ATXN8OS: variants seen among roughly 807,000 people sequenced by gnomAD.
ATXN8OS encodes ATXN8 opposite strand lncRNA.
chr13:70,166,940 G>T (rs1427730132), intron 4 of ATXN8OS, among the ~76,000 whole-genome samples: 2 of 151,556 alleles, frequency 1.3e-5, no homozygotes, highest in Admixed American at 6.6e-5. Flanking sequence ...GGCCATCAGA[G>T]AAATGCAAAT....
Position 70,160,793 on chromosome 13 carries a change from T to TAAATATATTTATTATAAATATATATAA in ATXN8OS, n.574-8958_574-8932dup, listed in dbSNP as rs1888998609. ...ATGTAAATATATAAATATTTATTTATAAATATATTTATTATAAATATATAT... is the reference window on the plus strand; with the variant it reads ...ATGTAAATATATAAATATTTATTTATAAATATATTTATTATAAATATATATAAAAATATATTTATTATAAATATATAT... On this transcript the variant is annotated intron_variant and non_coding_transcript_variant, in intron 4 of 4. Coordinates refer to ENST00000678624, the Ensembl canonical transcript of ATXN8OS. Among the ~76,000 whole-genome samples, 2 of 15,558 alleles carry TAAATATATTTATTATAAATATATATAA rather than the reference T, an allele frequency of 1.3e-4. 1 individual carries two copies. Among genetic ancestry groups the TAAATATATTTATTATAAATATATATAA allele is most frequent in the Non-Finnish European group, 5.9e-4 (2 of 3,418 alleles). 10.2% of individuals were successfully genotyped at this position (15,558 alleles called of 152,430 possible). A position where few individuals can be genotyped will look rare whatever the true frequency, so the allele number is the denominator to read the frequency against.
intron 4 of ATXN8OS, among the ~76,000 whole-genome samples, chr13:70,156,605 C>T (rs1888939490): frequency 6.6e-6 from 1 of 151,976 alleles, no homozygotes. Flanking sequence ...CAACACGTTA[C>T]TCTTTTTTTT....
At chr13:70,129,905 T>G (rs961609661) in intron 3 of ATXN8OS, 1 of 398,444 alleles carries the variant, frequency 2.5e-6, no homozygotes, top group Non-Finnish European at 4.4e-6. Context: ...CAAAAGGTTG[T>G]ACTGGTGATA....
chr13:70,147,064 T>C (rs1375673697), intron 3 of ATXN8OS, among the ~76,000 whole-genome samples: 1 of 152,202 alleles, frequency 6.6e-6, no homozygotes, highest in Non-Finnish European at 1.5e-5. Flanking sequence ...GTGTGCCTTC[T>C]TTTGGATATG....
At chr13:70,146,035 G>C (rs1888781288) in intron 3 of ATXN8OS, among the ~76,000 whole-genome samples, 1 of 112,764 alleles carries the variant, frequency 8.9e-6, no homozygotes, top group Non-Finnish European at 1.8e-5. Flanking sequence ...CTAATATCCA[G>C]AATCTACAAT....
intron 4 of ATXN8OS, among the ~76,000 whole-genome samples, chr13:70,168,994 G>A (rs887685592): frequency 6.6e-6 from 1 of 152,064 alleles, no homozygotes; most frequent in Non-Finnish European, 1.5e-5. Flanking sequence ...AACCAGTAAT[G>A]TCACTGATGC....
At chr13:70,139,374 A>ACTGCTGCTGCTG (rs1436504114) in intron 3 of ATXN8OS, 168 of 648,876 alleles carry the variant, frequency 2.6e-4, no homozygotes, top group East Asian at 1.8e-3. Context: ...TACTACTACT[A>ACTGCTGCTGCTG]CTACTACTAC....
chr13:70,171,640 TTG>T (rs1566624561), exon 5 of ATXN8OS, among the ~76,000 whole-genome samples: 1 of 152,124 alleles, frequency 6.6e-6, no homozygotes, highest in Non-Finnish European at 1.5e-5. Context: ...GACTGAAACA[TTG>T]TGATGTGAAC....
chr13:70,160,172 G>T (rs681937), intron 4 of ATXN8OS, among the ~76,000 whole-genome samples: 127,861 of 151,990 alleles, frequency 0.84, 54,172 homozygotes, highest in South Asian at 0.92. Context: ...TTGACTTTTT[G>T]TGAGCACTCA....
intron 4 of ATXN8OS, among the ~76,000 whole-genome samples, chr13:70,154,803 T>A (rs564325874): frequency 6.6e-6 from 1 of 152,290 alleles, no homozygotes; most frequent in East Asian, 1.9e-4. Context: ...ATCTAAGAAG[T>A]ACAACAAAGG....
chr13:70,118,831 T>C (rs1253929233), intron 2 of ATXN8OS, among the ~76,000 whole-genome samples: 3 of 67,794 alleles, frequency 4.4e-5, no homozygotes, highest in Non-Finnish European at 8.2e-5. Context: ...CTTACAGATA[T>C]ATACTTTTTT....
chr13:70,131,264 A>T (rs1442157973), intron 3 of ATXN8OS: 1 of 398,366 alleles, frequency 2.5e-6, no homozygotes, highest in Non-Finnish European at 4.4e-6. Context: ...TTCATTTCCA[A>T]CACTCCTAGT....
At chr13:70,119,430 C>T (rs558359632) in intron 2 of ATXN8OS, among the ~76,000 whole-genome samples, 1 of 152,194 alleles carries the variant, frequency 6.6e-6, no homozygotes, top group Admixed American at 6.5e-5. Flanking sequence ...TTCTCTGACC[C>T]AGTTCTGAGC....
chr13:70,160,464 T>C lies in ATXN8OS; in HGVS notation n.574-9289T>C, dbSNP rs1888994045. ...CAGCACTTTTCCTGGCTGAAGTTAGTTCGGCATGAAGTTAGCATATTTCTT... is the reference window on the plus strand; with the variant it reads ...CAGCACTTTTCCTGGCTGAAGTTAGCTCGGCATGAAGTTAGCATATTTCTT... On this transcript the variant is annotated intron_variant and non_coding_transcript_variant, in intron 4 of 4. Coordinates refer to ENST00000678624, the Ensembl canonical transcript of ATXN8OS. Among the ~76,000 whole-genome samples the C allele has an allele frequency of 2.6e-5, 4 of 151,876 alleles. No individual in the cohort carries two copies. In the South Asian group the frequency reaches 8.3e-4, roughly 31 times the overall value.
At chr13:70,135,481 C>T (rs1447142562) in intron 3 of ATXN8OS, among the ~76,000 whole-genome samples, 1 of 151,560 alleles carries the variant, frequency 6.6e-6, no homozygotes, top group Non-Finnish European at 1.5e-5. Context: ...ACTGTCTATT[C>T]CTATGGTATA....
intron 4 of ATXN8OS, among the ~76,000 whole-genome samples, chr13:70,154,196 T>G (rs1022864827): frequency 6.6e-6 from 1 of 152,182 alleles, no homozygotes; most frequent in Non-Finnish European, 1.5e-5. Flanking sequence ...GAGAGGCATG[T>G]GGGGTTGGGG....
intron 1 of ATXN8OS, chr13:70,108,289 CG>C (rs1888128485): frequency 2.8e-6 from 1 of 360,952 alleles, no homozygotes; most frequent in Non-Finnish European, 4.9e-6. Flanking sequence ...GAGGATGCCC[CG>C]ATAGCCTGCC....
intron 2 of ATXN8OS, among the ~76,000 whole-genome samples, chr13:70,119,539 T>C (rs1055504765): frequency 6.6e-6 from 1 of 152,076 alleles, no homozygotes; most frequent in Non-Finnish European, 1.5e-5. Context: ...AATGATATCG[T>C]GTGTATACAT....
rs567474205 is a variant in ATXN8OS, at chr13:70,144,677, A to G, written n.500-2678A>G. 9.2e-5 allele frequency among the ~76,000 whole-genome samples: 14 copies of G among 152,182 alleles called. No individual in the cohort carries two copies. The East Asian group carries it at 2.3e-3, about 25-fold the overall frequency. On this transcript the variant is annotated intron_variant and non_coding_transcript_variant, in intron 3 of 4. Transcript: ENST00000678624. ...TATTCTCTGGCAATGTCATTCTCAT[A>G]GCAGAAATTTTTAATTATAATGAAA...
Sources: gnomAD v4.1 joint callset for allele counts (sites outside exome capture counted in the v4.1 genomes callset) on GRCh38, gnomAD v4.1.1 for gene constraint, MANE v1.5 for transcripts, NCBI Gene and HGNC (gene_info 2026-07-23, HGNC 2026-07-21) for gene names.